ST18: variants seen among roughly 807,000 people sequenced by gnomAD.
The protein encoded by ST18 is ST18 C2H2C-type zinc finger transcription factor.
Under a neutral mutation model 110.0 loss-of-function variants are expected in ST18, and 50 were observed. That is an observed-to-expected ratio of 0.45 (90% confidence interval 0.36 to 0.58). ST18 has a LOEUF of 0.58. Among genes scored for constraint, ST18 ranks in the 20% least tolerant of loss-of-function variants. The probability of loss-of-function intolerance (pLI) is 0.00; values close to 1 mark genes in which losing one functional copy is unlikely to be tolerated. For synonymous variants in ST18, 461 were observed against 452.4 expected (o/e 1.02, Z -0.24); for missense variants, 1,306 against 1,280.1 (o/e 1.02, Z -0.31).
At chr8:52,381,724 A>T (rs1834592325) in intron 2 of ST18, among the ~76,000 whole-genome samples, 1 of 152,170 alleles carries the variant, frequency 6.6e-6, no homozygotes, top group Non-Finnish European at 1.5e-5. Context: ...AATACTGAGC[A>T]CTGAGTGTTA....
intron 2 of ST18, among the ~76,000 whole-genome samples, chr8:52,234,171 A>G (rs939697290): frequency 1.3e-5 from 2 of 152,238 alleles, no homozygotes; most frequent in Non-Finnish European, 2.9e-5. Flanking sequence ...ACAGAATCCC[A>G]GCCTTTAAAG....
intron 15 of ST18, among the ~76,000 whole-genome samples, chr8:52,152,144 G>T (rs2058965109): frequency 6.6e-6 from 1 of 151,918 alleles, no homozygotes; most frequent in Admixed American, 6.5e-5. Flanking sequence ...CTGGGAGAGA[G>T]CGGGCGGCTC....
At chr8:52,264,023 T>A (rs2094788309) in intron 2 of ST18, among the ~76,000 whole-genome samples, 1 of 152,134 alleles carries the variant, frequency 6.6e-6, no homozygotes, top group South Asian at 2.1e-4. Context: ...GGTTGTGAAT[T>A]CCTGACCTCA....
In ST18 at chr8:52,136,664, G is replaced by A. The variant is rs754469462; in HGVS notation, c.2232-6C>T. 1 of 1,602,352 alleles carries A rather than the reference G, an allele frequency of 6.2e-7. No individual in the cohort carries two copies. The highest frequency in any genetic ancestry group is 1.7e-5 in the Admixed American group (1 of 58,202). On this transcript the variant is annotated splice_region_variant and splice_polypyrimidine_tract_variant and intron_variant, in intron 18 of 25. Transcript: ENST00000689386. ...CTAAAGGACATCCAGAAACACTAGA[G>A]AGGGATGAGGAAAAAAACACAACAC...
At chr8:52,340,684 C>G (rs559025042) in intron 2 of ST18, among the ~76,000 whole-genome samples, 2 of 152,226 alleles carry the variant, frequency 1.3e-5, no homozygotes, top group Non-Finnish European at 2.9e-5. Context: ...ACTCACCCCA[C>G]AGAACTGCTA....
intron 2 of ST18, among the ~76,000 whole-genome samples, chr8:52,249,576 A>C (rs1017652690): frequency 2.0e-5 from 3 of 152,032 alleles, no homozygotes; most frequent in Non-Finnish European, 4.4e-5. Flanking sequence ...CAATGGGCTG[A>C]TGCATTTTCT....
At chr8:52,185,435 G>A (rs978735772) in intron 8 of ST18, among the ~76,000 whole-genome samples, 1 of 152,242 alleles carries the variant, frequency 6.6e-6, no homozygotes, top group Non-Finnish European at 1.5e-5. Context: ...TACAATTTCT[G>A]TGGAAATGAA....
intron 14 of ST18, among the ~76,000 whole-genome samples, chr8:52,159,359 T>TGGAG (rs1396363719): frequency 1.3e-5 from 2 of 152,142 alleles, no homozygotes; most frequent in African/African-American, 4.8e-5. Flanking sequence ...ACGCTTCTTA[T>TGGAG]GACAAAAACT....
intron 2 of ST18, among the ~76,000 whole-genome samples, chr8:52,319,597 A>C (rs1163895338): frequency 6.6e-6 from 1 of 152,276 alleles, no homozygotes; most frequent in East Asian, 1.9e-4. Context: ...TTCTTTAGTT[A>C]CTAGTGCTGT....
At chr8:52,152,438 A>G (rs1468501767) in intron 15 of ST18, among the ~76,000 whole-genome samples, 2 of 152,066 alleles carry the variant, frequency 1.3e-5, no homozygotes, top group Non-Finnish European at 2.9e-5. Flanking sequence ...GCTATTCTGG[A>G]TCTTTAGTTT....
chr8:52,135,537 G>A (rs1412255806), intron 19 of ST18, among the ~76,000 whole-genome samples: 2 of 135,270 alleles, frequency 1.5e-5, no homozygotes, highest in African/African-American at 5.5e-5. Context: ...TCCAGCCTGG[G>A]CACCTGGGCA....
Position 52,171,870 on chromosome 8 carries a change from G to A in ST18, c.991C>T (p.Leu331=), listed in dbSNP as rs1026973799. 1.2e-6 allele frequency: 2 copies of A among 1,614,216 alleles called. No homozygotes were observed. Among genetic ancestry groups the A allele is most frequent in the East Asian group, 4.5e-5 (2 of 44,892 alleles). ...CTTTCCCCTGCTAGGTGCTCCAGCA[G>A]GAACCTATCCAGCTCTTTGTAGGTG... is the stretch of plus-strand genomic sequence containing the variant. ...HNTYKELDRF[L]LEHLAGERRQ... Residue 331 remains leucine (L), a synonymous_variant, in exon 10 of 26, where the codon CTG becomes TTG. Coordinates refer to ENST00000689386, the MANE Select transcript of ST18 (RefSeq NM_001352837.2).
intron 2 of ST18, among the ~76,000 whole-genome samples, chr8:52,284,252 G>A (rs1303118776): frequency 6.6e-6 from 1 of 152,270 alleles, no homozygotes; most frequent in African/African-American, 2.4e-5. Context: ...GATGAGGGAA[G>A]GCAGTGTGCT....
chr8:52,135,806 A>G (rs1489487781), intron 19 of ST18, among the ~76,000 whole-genome samples: 2 of 152,050 alleles, frequency 1.3e-5, no homozygotes, highest in Non-Finnish European at 2.9e-5. Flanking sequence ...TAATACGTGA[A>G]ATGTTACATG....
rs1044571662 is a variant in ST18 at position 52,160,878 on chromosome 8, T to A, written c.1594+497A>T. Among the ~76,000 whole-genome samples the A allele has an allele frequency of 2.0e-5, 3 of 152,226 alleles. No individual in the cohort carries two copies. The South Asian group carries it at 6.2e-4, about 32-fold the overall frequency. On this transcript the variant is annotated intron_variant, in intron 14 of 25. Coordinates refer to ENST00000689386, the MANE Select transcript of ST18 (RefSeq NM_001352837.2). ...CACAATTTTTTCTATTATAGTAAAA[T>A]CCTGACTTTCAAATTGTTTCTTAGA...
Position 52,253,225 on chromosome 8 carries a change from T to C in ST18, c.-464-23148A>G, listed in dbSNP as rs573499385. Among the ~76,000 whole-genome samples the C allele has an allele frequency of 5.9e-5, 9 of 152,100 alleles. No individual in the cohort carries two copies. The South Asian group carries it at 1.5e-3, about 25-fold the overall frequency. ...AACACTCCAGTTATTTCCACATGTA[T>C]CAAAGTAAGCACCTATAATAAAAGC... On this transcript the variant is annotated intron_variant, in intron 2 of 25. Transcript: ENST00000689386.
intron 2 of ST18, among the ~76,000 whole-genome samples, chr8:52,281,393 G>A (rs569747217): frequency 2.0e-5 from 3 of 152,204 alleles, no homozygotes; most frequent in Non-Finnish European, 4.4e-5. Flanking sequence ...AGCATTGTTC[G>A]AAGAGACTAA....
At chr8:52,284,815 A>AC (rs869131114) in intron 2 of ST18, among the ~76,000 whole-genome samples, 1 of 150,490 alleles carries the variant, frequency 6.6e-6, no homozygotes, top group African/African-American at 2.4e-5. Context: ...AACCCCCGCC[A>AC]CCCCCCAAAA....
intron 2 of ST18, among the ~76,000 whole-genome samples, chr8:52,311,272 G>A (rs1034206945): frequency 6.6e-6 from 1 of 152,208 alleles, no homozygotes; most frequent in East Asian, 1.9e-4. Flanking sequence ...ATCTTTCACA[G>A]TCTATCTTGT....
Sources: gnomAD v4.1 joint callset for allele counts (sites outside exome capture counted in the v4.1 genomes callset) on GRCh38, gnomAD v4.1.1 for gene constraint, MANE v1.5 for transcripts, NCBI Gene and HGNC (gene_info 2026-07-23, HGNC 2026-07-21) for gene names.